The following KDM6A variants were observed in gnomAD, a reference collection of about 807,000 sequenced individuals.
KDM6A encodes the protein lysine demethylase 6A, also known as lysine-specific demethylase 6A.
A neutral mutation model predicts 117.6 loss-of-function variants in KDM6A; 11 were observed. That is an observed-to-expected ratio of 0.09 (90% CI 0.06 to 0.15). KDM6A has a LOEUF of 0.15. Among genes scored for constraint, KDM6A ranks in the 10% least tolerant of loss-of-function variants. The probability of loss-of-function intolerance (pLI) is 1.00; values close to 1 mark genes in which losing one functional copy is unlikely to be tolerated. For missense variants in KDM6A, 799 were observed against 1,077.3 expected (o/e 0.74, Z 3.62); for synonymous variants, 384 against 396.1 (o/e 0.97, Z 0.36).
intron 2 of KDM6A, among the ~76,000 whole-genome samples, chrX:44,899,034 TG>T (rs2034129808): frequency 9.8e-6 from 1 of 101,789 alleles, no homozygotes; most frequent in South Asian, 4.6e-4. Context: ...TGTGTGTGTG[TG>T]TGTTTGTTTG....
At chrX:45,020,137 A>G (rs1459901980) in intron 5 of KDM6A, among the ~76,000 whole-genome samples, 1 of 111,782 alleles carries the variant, frequency 8.9e-6, no homozygotes, top group Non-Finnish European at 1.9e-5. Flanking sequence ...AGTATAAAAG[A>G]TAAGGTACAG....
intron 2 of KDM6A, among the ~76,000 whole-genome samples, chrX:44,955,415 G>A (rs1024013503): frequency 1.8e-5 from 2 of 111,238 alleles, no homozygotes; most frequent in Non-Finnish European, 3.8e-5. Flanking sequence ...TGACCAGGAT[G>A]GAGTAGGTGC....
intron 24 of KDM6A, 42 bp from the exon 25 acceptor site, chrX:45,085,823 T>A: frequency 1.3e-6 from 1 of 741,635 alleles, no homozygotes; most frequent in Non-Finnish European, 2.1e-6. Context: ...GCTAACCAAT[T>A]GCACCACTGG....
chrX:44,919,596 AT>A (rs969925601), intron 2 of KDM6A, among the ~76,000 whole-genome samples: 4 of 105,997 alleles, frequency 3.8e-5, no homozygotes, highest in African/African-American at 1.4e-4. Flanking sequence ...TCATTCACAG[AT>A]TTTGCTATAT....
intron 2 of KDM6A, among the ~76,000 whole-genome samples, chrX:44,894,433 TGA>T (rs2033631254): frequency 1.8e-5 from 2 of 110,728 alleles, no homozygotes; most frequent in African/African-American, 6.6e-5. Context: ...TTTGTAGTTT[TGA>T]GGAGTTGATC....
chrX:44,926,181 G>A (rs1486873115), intron 2 of KDM6A, among the ~76,000 whole-genome samples: 5 of 107,361 alleles, frequency 4.7e-5, no homozygotes, highest in African/African-American at 1.7e-4. Flanking sequence ...AGCGATTCTC[G>A]TGCCTCAGTC....
rs756202597 is a variant in KDM6A, at chrX:45,039,503, ATTTTTTTTTTTT to A, written c.654+1829_654+1840del. The stretch of plus-strand genomic sequence containing the variant: ...CCTCCTCCCATTGATTCATTTGATA[ATTTTTTTTTTTT>A]TTTTTTTTTTTTTTATTGATCATTC... On this transcript the variant is annotated intron_variant, in intron 8 of 29. Transcript: ENST00000611820. Among the ~76,000 whole-genome samples, 20 of 61,254 alleles carry A rather than the reference ATTTTTTTTTTTT, an allele frequency of 3.3e-4. No individual in the cohort carries two copies. In the East Asian group the frequency reaches 4.5e-3, roughly 14 times the overall value. 53.2% of individuals were successfully genotyped at this position (61,254 alleles called of 115,157 possible). A position where few individuals can be genotyped will look rare whatever the true frequency, so the allele number is the denominator to read the frequency against.
intron 4 of KDM6A, among the ~76,000 whole-genome samples, chrX:44,999,647 A>C (rs1195477542): frequency 8.9e-6 from 1 of 112,232 alleles, no homozygotes; most frequent in Non-Finnish European, 1.9e-5. Context: ...TTTAGAACTC[A>C]TATCTAACAA....
intron 4 of KDM6A, among the ~76,000 whole-genome samples, chrX:45,000,896 ACAATCTGGGCCT>A (rs2041112185): frequency 8.8e-6 from 1 of 113,156 alleles, no homozygotes; most frequent in South Asian, 3.6e-4. Context: ...TGGAAAGGGG[ACAATCTGGGCCT>A]CTGGCCTGCT....
chrX:44,956,000 A>T (rs1325981653), intron 2 of KDM6A, among the ~76,000 whole-genome samples: 3 of 111,419 alleles, frequency 2.7e-5, no homozygotes, highest in African/African-American at 9.8e-5. Context: ...TGGCCCATTT[A>T]ATTTTTGGTG....
chrX:44,978,228 G>C (rs1268461234), intron 4 of KDM6A, among the ~76,000 whole-genome samples: 1 of 112,062 alleles, frequency 8.9e-6, no homozygotes, highest in Non-Finnish European at 1.9e-5. Context: ...TTTTATTCTT[G>C]ACTTACAGTG....
chrX:44,956,843 G>C (rs2038359846), intron 2 of KDM6A, among the ~76,000 whole-genome samples: 1 of 111,150 alleles, frequency 9.0e-6, no homozygotes, highest in Non-Finnish European at 1.9e-5. Flanking sequence ...AAAATTACGG[G>C]TAGGGCTCAT....
At chrX:45,067,380 C>T (rs1315150996) in intron 17 of KDM6A, among the ~76,000 whole-genome samples, 1 of 111,834 alleles carries the variant, frequency 8.9e-6, no homozygotes, top group Non-Finnish European at 1.9e-5. Context: ...TGTCACATTT[C>T]TGCATATTGT....
At chrX:45,078,552 TA>T (rs774647597) in intron 20 of KDM6A, 47 bp downstream of exon 20, 2 of 1,081,588 alleles carry the variant, frequency 1.8e-6, no homozygotes, top group Non-Finnish European at 2.6e-6. Flanking sequence ...TTTGTTTTGC[TA>T]TCTTTTAACT....
intron 2 of KDM6A, among the ~76,000 whole-genome samples, chrX:44,954,482 T>G (rs1602329765): frequency 8.9e-6 from 1 of 112,312 alleles, no homozygotes; most frequent in Non-Finnish European, 1.9e-5. Flanking sequence ...TGATATTGTC[T>G]GGATTACTGC....
chrX:44,884,473 G>A (rs926679724), intron 2 of KDM6A, among the ~76,000 whole-genome samples: 18 of 111,828 alleles, frequency 1.6e-4, no homozygotes, highest in Non-Finnish European at 2.8e-4. Context: ...GGGCAAGCAA[G>A]CATCTTTCAG....
At chrX:44,973,034 C>CAAA (rs56660954) in intron 3 of KDM6A, among the ~76,000 whole-genome samples, 38 of 98,418 alleles carry the variant, frequency 3.9e-4, no homozygotes, top group African/African-American at 1.4e-3. Context: ...GACCCCATCT[C>CAAA]AAAAAAAAAA....
chrX:45,020,184 A>G (rs1437033829), intron 5 of KDM6A, among the ~76,000 whole-genome samples: 1 of 111,817 alleles, frequency 8.9e-6, no homozygotes, highest in Non-Finnish European at 1.9e-5. Context: ...ACAAAAATGT[A>G]AACTTTTAGA....
At chrX:44,986,384 G>A (rs1384800729) in intron 4 of KDM6A, among the ~76,000 whole-genome samples, 1 of 111,106 alleles carries the variant, frequency 9.0e-6, no homozygotes, top group Non-Finnish European at 1.9e-5. Context: ...TGATTTTTTT[G>A]AAGGGTTTTT....
Sources: allele counts gnomAD v4.1 joint callset (sites outside exome capture counted in the v4.1 genomes callset), GRCh38; gene constraint gnomAD v4.1.1; transcripts MANE v1.5; gene names NCBI Gene and HGNC (gene_info 2026-07-23, HGNC 2026-07-21).